The following POU2F2 variants were observed in gnomAD, a reference collection of about 807,000 sequenced individuals.
The protein encoded by POU2F2 is POU domain, class 2, transcription factor 2.
POU2F2 carries 14 observed loss-of-function variants against 63.5 expected under a neutral mutation model. The ratio of observed to expected loss-of-function variants is 0.22; its 90% CI spans 0.15 to 0.34. The LOEUF (loss-of-function observed/expected upper bound fraction) is 0.34, where lower values mean the gene tolerates loss of function less well. POU2F2 is among the 10% of genes least tolerant of loss of function. The pLI is 1.00. For missense variants in POU2F2, 607 were observed against 815.2 expected (o/e 0.74, Z 3.11); for synonymous variants, 306 against 348.6 (o/e 0.88, Z 1.36).
rs1199414181 is a variant in POU2F2, at chr19:42,090,815, G to C, written c.*442C>G. On this transcript the variant is annotated 3_prime_UTR_variant, in exon 15 of 15. Transcript: ENST00000692977. This position sits in a 1 kb window ranked among gnomAD's most constrained non-coding sequence, Gnocchi z 4.4. ...CCCCCACGGGGGAGGCAGGGTTGGG[G>C]GTTGGTCCCACAGCCAGGGCTCGGT... The C allele has an allele frequency of 6.4e-6, 1 of 157,172 alleles. No homozygotes were observed. Among genetic ancestry groups the C allele is most frequent in the East Asian group, 1.9e-4 (1 of 5,264 alleles). The allele number at this position is 157,172 out of a possible 1,614,324, so 9.7% of individuals were successfully genotyped here. A position where few individuals can be genotyped will look rare whatever the true frequency, so the allele number is the denominator to read the frequency against.
At chr19:42,149,531 A>G (rs887575095) in intron 2 of POU2F2, among the ~76,000 whole-genome samples, 3 of 152,134 alleles carry the variant, frequency 2.0e-5, no homozygotes, top group African/African-American at 7.2e-5. Flanking sequence ...GTAACTGGGG[A>G]CTATCAAGGT....
intron 1 of POU2F2, among the ~76,000 whole-genome samples, chr19:42,187,761 C>CAAAAAAA (rs745767404): frequency 2.0e-5 from 1 of 49,958 alleles, no homozygotes; most frequent in African/African-American, 7.6e-5. Flanking sequence ...GACTCCATCA[C>CAAAAAAA]AAAAAAAAAA....
chr19:42,091,529 C>T lies in POU2F2; in HGVS notation c.1603G>A (p.Gly535Arg). ...SLDGSGNLVL[G>R]AAGAAPGSPG... ...CTCCCCGGGGCTGCACCGGCTGCCC[C>T]CAGCACCAGATTCCCGCTGCCATCA... Residue 535 changes from glycine (G) to arginine (R), a missense_variant, in exon 15 of 15, where the codon GGG (glycine) becomes AGG (arginine). Coordinates refer to ENST00000692977, the MANE Select transcript of POU2F2 (RefSeq NM_001394376.1). The T allele has an allele frequency of 1.3e-6, 2 of 1,547,352 alleles. No individual in the cohort carries two copies. The highest frequency in any genetic ancestry group is 1.7e-6 in the Non-Finnish European group (2 of 1,144,220).
chr19:42,128,643 C>A (rs1036495286), intron 1 of POU2F2, among the ~76,000 whole-genome samples: 3 of 152,174 alleles, frequency 2.0e-5, no homozygotes, highest in Non-Finnish European at 4.4e-5. Flanking sequence ...CTCCAGGGCA[C>A]TAGCAATCAT....
intron 2 of POU2F2, among the ~76,000 whole-genome samples, chr19:42,138,885 G>T (rs1024816151): frequency 2.6e-5 from 4 of 152,278 alleles, no homozygotes; most frequent in African/African-American, 7.2e-5. Flanking sequence ...GAAGTCAGCA[G>T]ATGCTTAACA....
chr19:42,147,543 G>A (rs1422462851), intron 2 of POU2F2, among the ~76,000 whole-genome samples: 1 of 152,198 alleles, frequency 6.6e-6, no homozygotes. Context: ...TCTGCTGCCT[G>A]CTACATCTTT....
At chr19:42,183,608 T>C (rs908799235) in intron 1 of POU2F2, among the ~76,000 whole-genome samples, 4 of 152,160 alleles carry the variant, frequency 2.6e-5, no homozygotes, top group East Asian at 1.9e-4. Flanking sequence ...ATAAAGCTGA[T>C]TGCAAATAAA....
chr19:42,187,487 T>C (rs1015082050), intron 1 of POU2F2, among the ~76,000 whole-genome samples: 3 of 125,100 alleles, frequency 2.4e-5, no homozygotes, highest in African/African-American at 6.2e-5. Flanking sequence ...ACAGGCCAGG[T>C]GAGGTGGCTC....
In POU2F2 at chr19:42,090,678, G is replaced by C. The variant is rs1280028259; in HGVS notation, c.*579C>G. ...TTTCACCTTCTGGAAAAGAACATTTGGTGGGTGGTGCTAAGCCCCAGCCCA... is the reference window on the plus strand; with the variant it reads ...TTTCACCTTCTGGAAAAGAACATTTCGTGGGTGGTGCTAAGCCCCAGCCCA... On this transcript the variant is annotated 3_prime_UTR_variant, in exon 15 of 15. Transcript: ENST00000692977. This position sits in a 1 kb window ranked among gnomAD's most constrained non-coding sequence, Gnocchi z 4.4. 6.5e-6 allele frequency: 1 copy of C among 152,948 alleles called. No individual in the cohort carries two copies. The highest frequency in any genetic ancestry group is 1.9e-4 in the East Asian group (1 of 5,202). 9.5% of individuals were successfully genotyped at this position (152,948 alleles called of 1,614,324 possible).
chr19:42,116,841 GGAGGAGGAGGAGGAGGAAGTA>G, intron 5 of POU2F2: 1 of 277,892 alleles, frequency 3.6e-6, no homozygotes, highest in Non-Finnish European at 7.4e-6. Flanking sequence ...AGGAGGCAGA[GGAGGAGGAGGAGGAGGAAGTA>G]GAGGAGGAGG....
intron 1 of POU2F2, 106 bp from the exon 2 acceptor site, chr19:42,122,682 C>G: frequency 9.3e-7 from 1 of 1,074,512 alleles, no homozygotes. Context: ...AAATTCCCCC[C>G]TTACCCCCAG....
intron 7 of POU2F2, chr19:42,099,232 G>T: frequency 2.9e-6 from 1 of 349,254 alleles, no homozygotes; most frequent in South Asian, 3.9e-5. Flanking sequence ...TTTTACACAT[G>T]AGCATTTTGG....
chr19:42,144,111 C>T (rs2034184469), intron 2 of POU2F2, among the ~76,000 whole-genome samples: 1 of 152,200 alleles, frequency 6.6e-6, no homozygotes, highest in Admixed American at 6.5e-5. Context: ...ACAGCGTACT[C>T]CCATCACTGG....
At position 42,189,050 on chromosome 19, in the gene POU2F2, A is replaced by G. The variant is rs184003872; in HGVS notation, c.-70+7333T>C. Among the ~76,000 whole-genome samples, 6 of 152,298 alleles carry G rather than the reference A, an allele frequency of 3.9e-5. No homozygotes were observed. In the East Asian group the frequency reaches 1.2e-3, roughly 29 times the overall value. On this transcript the variant is annotated intron_variant, in intron 1 of 5. Transcript: ENST00000532176. ...AGTTAAAGCTTTAGATAAAGATGAA[A>G]AATGTACTTGGATTTGGCAAGAGAA...
chr19:42,184,907 G>A (rs1258207269), intron 1 of POU2F2, among the ~76,000 whole-genome samples: 1 of 151,964 alleles, frequency 6.6e-6, no homozygotes, highest in Non-Finnish European at 1.5e-5. Flanking sequence ...ACCTCCTAGA[G>A]GTTCCAAAAA....
At chr19:42,099,439 ACT>A (rs1315986072) in intron 7 of POU2F2, 86 bp downstream of exon 7, 6 of 1,162,120 alleles carry the variant, frequency 5.2e-6, no homozygotes, top group Non-Finnish European at 7.6e-6. Context: ...TGGAAAGGAG[ACT>A]CTCACTCATC....
intron 5 of POU2F2, among the ~76,000 whole-genome samples, chr19:42,113,592 T>C (rs1003468540): frequency 1.3e-5 from 2 of 152,250 alleles, no homozygotes; most frequent in Admixed American, 1.3e-4. Flanking sequence ...CTCTCTTTCC[T>C]GGGCTTCTTA....
At chr19:42,124,131 C>T (rs766167847) in intron 1 of POU2F2, among the ~76,000 whole-genome samples, 17 of 151,802 alleles carry the variant, frequency 1.1e-4, no homozygotes, top group African/African-American at 2.4e-4. Flanking sequence ...TGGAGAAACC[C>T]CATCTCTACT....
At chr19:42,141,473 C>CTTTTTTTTTTTTTTTTTTTTTTTTTTT (rs58221767) in intron 2 of POU2F2, among the ~76,000 whole-genome samples, 3 of 98,976 alleles carry the variant, frequency 3.0e-5, no homozygotes, top group African/African-American at 8.5e-5. Flanking sequence ...CTTAATTAAT[C>CTTTTTTTTTTTTTTTTTTTTTTTTTTT]TTTTTTTTTT....
Sources: gnomAD v4.1 joint callset for allele counts (sites outside exome capture counted in the v4.1 genomes callset) on GRCh38, gnomAD v4.1.1 for gene constraint, Gnocchi (gnomAD v3.1) non-coding constraint, MANE v1.5 for transcripts, NCBI Gene and HGNC (gene_info 2026-07-23, HGNC 2026-07-21) for gene names.